GRAMD2B: variants seen among roughly 807,000 people sequenced by gnomAD.
The protein encoded by GRAMD2B is GRAM domain-containing protein 2B.
A neutral mutation model predicts 59.2 loss-of-function variants in GRAMD2B; 41 were observed. That is an observed-to-expected ratio of 0.69 (90% confidence interval 0.54 to 0.90). The LOEUF (loss-of-function observed/expected upper bound fraction) is 0.90, where lower values mean the gene tolerates loss of function less well. Ranked by LOEUF, GRAMD2B falls within the 40% of genes least tolerant of loss-of-function variation. The pLI is 0.00. For synonymous variants in GRAMD2B, 161 were observed against 182.7 expected, an observed-to-expected ratio of 0.88 and a Z score of 0.96; for missense variants, 424 against 500.5, an observed-to-expected ratio of 0.85 and a Z score of 1.46.
chr5:126,434,526 AT>A (rs576454532), intron 1 of GRAMD2B, among the ~76,000 whole-genome samples: 1 of 148,868 alleles, frequency 6.7e-6, no homozygotes, highest in East Asian at 2.0e-4. Context: ...TTTTATTTTT[AT>A]TTTTTTTTGA....
chr5:126,402,500 G>C (rs1757922549), intron 1 of GRAMD2B, among the ~76,000 whole-genome samples: 1 of 152,058 alleles, frequency 6.6e-6, no homozygotes. Context: ...CTCTGAGTAG[G>C]GTCCCTGCAG....
intron 8 of GRAMD2B, 95 bp downstream of exon 8, chr5:126,480,802 C>A: frequency 9.6e-7 from 1 of 1,038,916 alleles, no homozygotes. Flanking sequence ...GTGGGAAGAG[C>A]TTAGGACCAA....
upstream of GRAMD2B, among the ~76,000 whole-genome samples, chr5:126,366,846 C>CTTTTTTTTTT (rs59718576): frequency 9.3e-6 from 1 of 107,682 alleles, no homozygotes; most frequent in African/African-American, 3.6e-5. Flanking sequence ...CAGACCAAGG[C>CTTTTTTTTTT]TTTTTTTTTT....
chr5:126,380,555 T>G (rs1030052788), intron 1 of GRAMD2B, among the ~76,000 whole-genome samples: 1 of 152,198 alleles, frequency 6.6e-6, no homozygotes, highest in African/African-American at 2.4e-5. Context: ...TTCCATTTGT[T>G]TGTGTTGTCT....
At chr5:126,384,293 T>A (rs1365525943) in intron 1 of GRAMD2B, among the ~76,000 whole-genome samples, 1 of 152,108 alleles carries the variant, frequency 6.6e-6, no homozygotes, top group Admixed American at 6.5e-5. Context: ...AGTTTGAAAA[T>A]TAAATTATGA....
chr5:126,472,337 C>T, intron 4 of GRAMD2B, 33 bp downstream of exon 4: 3 of 1,558,598 alleles, frequency 1.9e-6, no homozygotes, highest in Non-Finnish European at 2.7e-6. Context: ...TTTTAAGCTA[C>T]ATATTTGAAA....
intron 1 of GRAMD2B, among the ~76,000 whole-genome samples, chr5:126,407,736 G>A (rs1414496766): frequency 6.6e-6 from 1 of 151,970 alleles, no homozygotes; most frequent in East Asian, 1.9e-4. Flanking sequence ...GCCATTAAGA[G>A]GGCTGATGAA....
chr5:126,445,101 T>C (rs112285808), intron 1 of GRAMD2B, among the ~76,000 whole-genome samples: 17,888 of 152,252 alleles, frequency 0.12, 2,072 homozygotes, highest in African/African-American at 0.31. Flanking sequence ...CTATAATTGA[T>C]GGGCATTTGG....
chr5:126,412,459 C>T (rs1455190150), intron 1 of GRAMD2B, among the ~76,000 whole-genome samples: 2 of 152,036 alleles, frequency 1.3e-5, no homozygotes, highest in Admixed American at 1.3e-4. Flanking sequence ...GGAATTAAGC[C>T]TATTTGTTTA....
chr5:126,395,132 T>G (rs1757250958), intron 1 of GRAMD2B, among the ~76,000 whole-genome samples: 1 of 152,118 alleles, frequency 6.6e-6, no homozygotes, highest in Non-Finnish European at 1.5e-5. Flanking sequence ...AAAAATAGAA[T>G]AATAATGTTT....
chr5:126,459,052 G>T (rs920843744), intron 1 of GRAMD2B: 2 of 152,026 alleles, frequency 1.3e-5, no homozygotes, highest in Admixed American at 6.6e-5. Context: ...CACTTCTTTT[G>T]TACATATTCA....
chr5:126,493,126 T>G lies in GRAMD2B; in HGVS notation c.*170T>G, dbSNP rs1774231136. On this transcript the variant is annotated 3_prime_UTR_variant, in exon 14 of 14. Transcript: ENST00000285689. Reference sequence around the variant, plus strand: ...CAGGAAAGTGAGGAGGGAAATAATTTTGGTTCTTGTGCAATAAAAGTTGAC... The same window carrying G: ...CAGGAAAGTGAGGAGGGAAATAATTGTGGTTCTTGTGCAATAAAAGTTGAC... 2 of 586,838 alleles carry G rather than the reference T, an allele frequency of 3.4e-6. No homozygotes were observed. Among genetic ancestry groups the G allele is most frequent in the Non-Finnish European group, 3.1e-6 (1 of 322,756 alleles). 36.4% of individuals were successfully genotyped at this position (586,838 alleles called of 1,614,324 possible). A position where few individuals can be genotyped will look rare whatever the true frequency, so the allele number is the denominator to read the frequency against.
intron 1 of GRAMD2B, among the ~76,000 whole-genome samples, chr5:126,415,374 T>C (rs1028501942): frequency 5.3e-5 from 8 of 152,222 alleles, no homozygotes; most frequent in Non-Finnish European, 1.2e-4. Flanking sequence ...TGTTTATTGA[T>C]ATGTTTCTTC....
chr5:126,381,175 T>C (rs893902473), intron 1 of GRAMD2B, among the ~76,000 whole-genome samples: 1 of 152,240 alleles, frequency 6.6e-6, no homozygotes. Flanking sequence ...TTTTTGTTTT[T>C]AATTCTGTTT....
intron 1 of GRAMD2B, among the ~76,000 whole-genome samples, chr5:126,417,660 T>C (rs1415184319): frequency 6.6e-6 from 1 of 152,210 alleles, no homozygotes; most frequent in Non-Finnish European, 1.5e-5. Flanking sequence ...AGGTGGTTAG[T>C]TGTACACCAA....
intron 1 of GRAMD2B, among the ~76,000 whole-genome samples, chr5:126,395,540 G>C (rs1453277750): frequency 6.6e-6 from 1 of 152,148 alleles, no homozygotes; most frequent in Non-Finnish European, 1.5e-5. Context: ...AACATGTCTT[G>C]ATGGGAAATG....
At chr5:126,384,286 T>G (rs756260917) in intron 1 of GRAMD2B, among the ~76,000 whole-genome samples, 1 of 152,182 alleles carries the variant, frequency 6.6e-6, no homozygotes, top group African/African-American at 2.4e-5. Context: ...TACATGCAGT[T>G]TGAAAATTAA....
At chr5:126,478,599 G>A (rs557965045) in intron 6 of GRAMD2B, among the ~76,000 whole-genome samples, 30 of 152,058 alleles carry the variant, frequency 2.0e-4, no homozygotes, top group Non-Finnish European at 3.2e-4. Context: ...AAATTAGCCG[G>A]GTTTGGTGGC....
intron 1 of GRAMD2B, among the ~76,000 whole-genome samples, chr5:126,430,009 T>A (rs1272239319): frequency 1.3e-5 from 2 of 152,236 alleles, no homozygotes; most frequent in African/African-American, 4.8e-5. Context: ...TGTTTCCACT[T>A]GCTAAACTTC....
Sources: gnomAD v4.1 joint callset for allele counts (sites outside exome capture counted in the v4.1 genomes callset) on GRCh38, gnomAD v4.1.1 for gene constraint, MANE v1.5 for transcripts, NCBI Gene and HGNC (gene_info 2026-07-23, HGNC 2026-07-21) for gene names.